The following FSCB variants were observed in gnomAD, a reference collection of about 807,000 sequenced individuals.
The protein encoded by FSCB is fibrous sheath CABYR-binding protein.
For synonymous variants in FSCB, 331 were observed against 336.6 expected, an observed-to-expected ratio of 0.98 and a Z score of 0.18; for missense variants, 975 against 934.8, an observed-to-expected ratio of 1.04 and a Z score of -0.56.
rs778382650 is a variant in FSCB, at chr14:44,506,390, G to C, written c.598C>G (p.Pro200Ala). Residue 200 changes from proline to alanine, a missense_variant, in exon 1 of 1, where the codon CCA (proline) becomes GCA (alanine). Pro to Ala is a conservative substitution (Grantham distance 27, BLOSUM62 -1). Transcript: ENST00000340446. ...IFASEHPEFQ[P>A]ATNSNEEIGQ... ...ATTTCTTCATTGCTGTTTGTTGCTG[G>C]TTGAAATTCAGGGTGTTCACTAGCA... 3 of 1,614,012 alleles carry C rather than the reference G, an allele frequency of 1.9e-6. No homozygotes were observed. The highest frequency in any genetic ancestry group is 2.2e-5 in the South Asian group (2 of 91,080).
In FSCB at chr14:44,505,660, G is replaced by A; in HGVS notation, c.1328C>T (p.Ser443Leu). 5.0e-6 allele frequency: 8 copies of A among 1,613,486 alleles called. No homozygotes were observed. The highest frequency in any genetic ancestry group is 6.8e-6 in the Non-Finnish European group (8 of 1,179,980). ...PREEARELQLSTAMETPAEEA... is the reference protein window; with the variant it reads ...PREEARELQLLTAMETPAEEA... Reference sequence around the variant, plus strand: ...TTCTGCAGGGGTCTCCATAGCTGTTGAAAGCTGAAGTTCTCGAGCCTCTTC... The same window carrying A: ...TTCTGCAGGGGTCTCCATAGCTGTTAAAAGCTGAAGTTCTCGAGCCTCTTC... The change falls in exon 1 of 1, where the codon TCA becomes TTA. Residue 443 changes from serine (S) to leucine (L), a missense_variant. Coordinates refer to ENST00000340446, the MANE Select transcript of FSCB (RefSeq NM_032135.4).
In FSCB at chr14:44,505,112, G is replaced by A. The variant is rs1174541765; in HGVS notation, c.1876C>T (p.Pro626Ser). The A allele has an allele frequency of 6.4e-7, 1 of 1,554,226 alleles. No individual in the cohort carries two copies. The highest frequency in any genetic ancestry group is 1.4e-5 in the African/African-American group (1 of 72,396). Reference sequence around the variant, plus strand: ...ACTTCAGCGGGGGCCTCCTCAGCTGGTGGAGGCTGAACTTCAGCGGGGGCC... The same window carrying A: ...ACTTCAGCGGGGGCCTCCTCAGCTGATGGAGGCTGAACTTCAGCGGGGGCC... ...EEAPAEVQPP[P>S]AEEAPAEVQP... Residue 626 changes from proline to serine, a missense_variant, in exon 1 of 1, where the codon CCA becomes TCA. Transcript: ENST00000340446.
Position 44,505,895 on chromosome 14 carries a change from C to A in FSCB, c.1093G>T (p.Ala365Ser), listed in dbSNP as rs774752286. ...AEESPSEEPP[A>S]EILPPPAEKS... is the part of the protein sequence containing the mutation. ...TCAGCTGGTGGAGGCAGAATTTCAG[C>A]AGGAGGCTCTTCTGAAGGGGACTCT... The change falls in exon 1 of 1, where the codon GCT (alanine) becomes TCT (serine). Residue 365 changes from alanine to serine, a missense_variant. Ala to Ser is a moderately conservative substitution (Grantham distance 99). Transcript: ENST00000340446. 3 of 1,614,074 alleles carry A rather than the reference C, an allele frequency of 1.9e-6. No homozygotes were observed. In the South Asian group the frequency reaches 3.3e-5, roughly 18 times the overall value.
At position 44,506,136 on chromosome 14, in the gene FSCB, T is replaced by C. The variant is rs764253835; in HGVS notation, c.852A>G (p.Arg284=). 1.9e-6 allele frequency: 3 copies of C among 1,614,050 alleles called. No individual in the cohort carries two copies. Among genetic ancestry groups the C allele is most frequent in the African/African-American group, 2.7e-5 (2 of 74,926 alleles). The part of the protein sequence containing the change: ...VEEATAKAEP[R]PAEETHVQVQ... Reference sequence around the variant, plus strand: ...CTTGGACATGGGTCTCTTCAGCAGGTCTGGGCTCCGCTTTAGCAGTGGCCT... The same window carrying C: ...CTTGGACATGGGTCTCTTCAGCAGGCCTGGGCTCCGCTTTAGCAGTGGCCT... Residue 284 remains arginine, a synonymous_variant, in exon 1 of 1, where the codon AGA becomes AGG. Transcript: ENST00000340446.
the FSCB span, chr14:44,505,713 CT>C: frequency 6.2e-7 from 1 of 1,613,578 alleles, no homozygotes; most frequent in South Asian, 1.1e-5. Context: ...GTAATAGAGG[CT>C]GAACATCAGC....
Position 44,505,436 on chromosome 14 carries a change from C to T in FSCB, c.1552G>A (p.Ala518Thr). 1 of 1,612,282 alleles carries T rather than the reference C, an allele frequency of 6.2e-7. No homozygotes were observed. Among genetic ancestry groups the T allele is most frequent in the Non-Finnish European group, 8.5e-7 (1 of 1,179,950 alleles). The change falls in exon 1 of 1, where the codon GCA becomes ACA. Residue 518 changes from alanine (A) to threonine (T), a missense_variant. Coordinates refer to ENST00000340446, the MANE Select transcript of FSCB (RefSeq NM_032135.4). ...VQSPLAEETT[A>T]EEASAEIQLL... ...TGAATTTCAGCAGAGGCCTCTTCTGCAGTGGTCTCTTCAGCTAATGGAGAT... is the reference window on the plus strand; with the variant it reads ...TGAATTTCAGCAGAGGCCTCTTCTGTAGTGGTCTCTTCAGCTAATGGAGAT...
In FSCB at chr14:44,506,165, C is replaced by T; in HGVS notation, c.823G>A (p.Glu275Lys). 6.2e-7 allele frequency: 1 copy of T among 1,614,132 alleles called. No individual in the cohort carries two copies. ...GGCTCCGCTTTAGCAGTGGCCTCTT[C>T]AACTAATGGAGGCTGTATTTTAGCT... ...FPAKIQPPLV[E>K]EATAKAEPRP... is the part of the protein sequence containing the mutation. The change falls in exon 1 of 1, where the codon GAA becomes AAA. Residue 275 changes from glutamate to lysine, a missense_variant. Physicochemically the swap from Glu to Lys is moderately conservative, Grantham distance 56. Coordinates refer to ENST00000340446, the MANE Select transcript of FSCB (RefSeq NM_032135.4).
the FSCB span, chr14:44,506,234 C>CT: frequency 2.7e-5 from 44 of 1,614,152 alleles, no homozygotes; most frequent in African/African-American, 4.0e-4. Context: ...GCAGAAGCCA[C>CT]TTTTTTAACA....
rs956302482 is a variant in FSCB, at chr14:44,505,105, T to G, written c.1883A>C (p.Glu628Ala). The stretch of plus-strand genomic sequence containing the variant: ...AGGCTGAACTTCAGCGGGGGCCTCC[T>G]CAGCTGGTGGAGGCTGAACTTCAGC... ...APAEVQPPPA[E>A]EAPAEVQPPP... The change falls in exon 1 of 1, where the codon GAG becomes GCG. Residue 628 changes from glutamate (E) to alanine (A), a missense_variant. By Grantham distance (107) the Glu-to-Ala change is moderately radical. Transcript: ENST00000340446. 2.9e-5 allele frequency: 41 copies of G among 1,421,080 alleles called. No homozygotes were observed. The highest frequency in any genetic ancestry group is 3.6e-5 in the Non-Finnish European group (39 of 1,077,590). The allele number at this position is 1,421,080 out of a possible 1,614,324, so 88.0% of individuals were successfully genotyped here.
the FSCB span, chr14:44,506,018 C>CCT: frequency 6.2e-7 from 1 of 1,614,118 alleles, no homozygotes; most frequent in Non-Finnish European, 8.5e-7. Flanking sequence ...ACTAAAGGGG[C>CCT]CTCTTCAGCA....
In FSCB at chr14:44,505,520, C is replaced by T. The variant is rs376664572; in HGVS notation, c.1468G>A (p.Glu490Lys). 16 of 1,612,152 alleles carry T rather than the reference C, an allele frequency of 9.9e-6. No homozygotes were observed. Among genetic ancestry groups the T allele is most frequent in the Admixed American group, 3.3e-5 (2 of 59,970 alleles). The change falls in exon 1 of 1, where the codon GAA becomes AAA. Residue 490 changes from glutamate to lysine, a missense_variant. Physicochemically the swap from Glu to Lys is moderately conservative, Grantham distance 56 (BLOSUM62 1). Transcript: ENST00000340446. ...TEPPADETPA[E>K]ARSPLSEETS... The stretch of plus-strand genomic sequence containing the variant: ...TCCTCAGATAGTGGAGACCGAGCTT[C>T]GGCAGGAGTTTCATCTGCAGGAGGC...
rs1035046891 is a variant in FSCB at position 44,504,220 on chromosome 14, T to C, written c.*290A>G. ...AGAAAAGATGGCTGCAGATTAAACT[T>C]TACTCGTGTCAACAAGTTTACTGTA... On this transcript the variant is annotated 3_prime_UTR_variant, in exon 1 of 1. Transcript: ENST00000340446. 3 of 232,588 alleles carry C rather than the reference T, an allele frequency of 1.3e-5. No homozygotes were observed. Among genetic ancestry groups the C allele is most frequent in the African/African-American group, 2.3e-5 (1 of 44,218 alleles). The allele number at this position is 232,588 out of a possible 1,614,324, so 14.4% of individuals were successfully genotyped here.
Position 44,505,178 on chromosome 14 carries a change from CTGCAGAAGCCTCTGT to C in FSCB, c.1795_1809del (p.Thr599_Ala603del), listed in dbSNP as rs1383991811. 1 of 1,612,176 alleles carries C rather than the reference CTGCAGAAGCCTCTGT, an allele frequency of 6.2e-7. No homozygotes were observed. The highest frequency in any genetic ancestry group is 2.2e-5 in the East Asian group (1 of 44,866). ...GGCTGAACTTCAGCAGGAGCCTCTT[CTGCAGAAGCCTCTGT>C]AGCTGCTAGAAGCTGAATTGCAGCA... On this transcript the variant is annotated inframe_deletion, in exon 1 of 1. Coordinates refer to ENST00000340446, the MANE Select transcript of FSCB (RefSeq NM_032135.4).
Position 44,506,213 on chromosome 14 carries a change from G to A in FSCB, c.775C>T (p.Pro259Ser). Reference protein sequence around the residue: ...VKKVASAEIEPPSTEKFPAKI... With the variant: ...VKKVASAEIESPSTEKFPAKI... ...GCTGGGAATTTTTCTGTTGATGGAGGCTCTATTTCAGCAGAAGCCACTTTT... is the reference window on the plus strand; with the variant it reads ...GCTGGGAATTTTTCTGTTGATGGAGACTCTATTTCAGCAGAAGCCACTTTT... The change falls in exon 1 of 1, where the codon CCT becomes TCT. Residue 259 changes from proline to serine, a missense_variant. Physicochemically the swap from Pro to Ser is moderately conservative, Grantham distance 74. Transcript: ENST00000340446. 1 of 1,614,160 alleles carries A rather than the reference G, an allele frequency of 6.2e-7. No homozygotes were observed. The highest frequency in any genetic ancestry group is 1.6e-4 in the Middle Eastern group (1 of 6,062).
the FSCB span, chr14:44,505,361 G>A: frequency 1.9e-6 from 3 of 1,612,964 alleles, no homozygotes; most frequent in Non-Finnish European, 2.5e-6. Flanking sequence ...AGTGGAGACT[G>A]AGCTTCAGCA....
At position 44,504,375 on chromosome 14, in the gene FSCB, C is replaced by T. The variant is rs1323124940; in HGVS notation, c.*135G>A. 5 of 546,982 alleles carry T rather than the reference C, an allele frequency of 9.1e-6. No homozygotes were observed. Among genetic ancestry groups the T allele is most frequent in the East Asian group, 3.0e-5 (1 of 32,896 alleles). The allele number at this position is 546,982 out of a possible 1,614,324, so 33.9% of individuals were successfully genotyped here. A position where few individuals can be genotyped will look rare whatever the true frequency, so the allele number is the denominator to read the frequency against. The stretch of plus-strand genomic sequence containing the variant: ...GCTACAGTTTTTATTGTTCATTTTC[C>T]AACCTGTATTCCAAGTCTTGGGGTC... On this transcript the variant is annotated 3_prime_UTR_variant, in exon 1 of 1. Coordinates refer to ENST00000340446, the MANE Select transcript of FSCB (RefSeq NM_032135.4).
rs772845500 is a variant in FSCB at position 44,506,099 on chromosome 14, T to C, written c.889A>G (p.Thr297Ala). The change falls in exon 1 of 1, where the codon ACT (threonine) becomes GCT (alanine). Residue 297 changes from threonine to alanine, a missense_variant. Coordinates refer to ENST00000340446, the MANE Select transcript of FSCB (RefSeq NM_032135.4). Reference protein sequence around the residue: ...EETHVQVQPSTEETPDAEAAT... With the variant: ...EETHVQVQPSAEETPDAEAAT... ...GCCTCAGCATCAGGAGTCTCTTCAG[T>C]TGATGGCTGTACTTGGACATGGGTC... 62 of 1,614,002 alleles carry C rather than the reference T, an allele frequency of 3.8e-5. No individual in the cohort carries two copies. The highest frequency in any genetic ancestry group is 1.6e-4 in the Middle Eastern group (1 of 6,082).
rs1329127321 is a variant in FSCB at position 44,505,762 on chromosome 14, G to A, written c.1226C>T (p.Pro409Leu). 2 of 1,613,858 alleles carry A rather than the reference G, an allele frequency of 1.2e-6. No homozygotes were observed. Among genetic ancestry groups the A allele is most frequent in the South Asian group, 2.2e-5 (2 of 91,056 alleles). Residue 409 changes from proline (P) to leucine (L), a missense_variant, in exon 1 of 1, where the codon CCA becomes CTA. By Grantham distance (98) the Pro-to-Leu change is moderately conservative. Transcript: ENST00000340446. ...LPAEGALEEAPAKVEPPTVEE... is the reference protein window; with the variant it reads ...LPAEGALEEALAKVEPPTVEE... ...AACAGTGGGAGGCTCTACTTTAGCT[G>A]GGGCCTCTTCAAGGGCGCCCTCAGC...
At position 44,506,147 on chromosome 14, in the gene FSCB, C is replaced by T; in HGVS notation, c.841G>A (p.Ala281Thr). 1 of 1,614,168 alleles carries T rather than the reference C, an allele frequency of 6.2e-7. No homozygotes were observed. ...PPLVEEATAK[A>T]EPRPAEETHV... ...GTCTCTTCAGCAGGTCTGGGCTCCG[C>T]TTTAGCAGTGGCCTCTTCAACTAAT... The change falls in exon 1 of 1, where the codon GCG (alanine) becomes ACG (threonine). Residue 281 changes from alanine to threonine, a missense_variant. Coordinates refer to ENST00000340446, the MANE Select transcript of FSCB (RefSeq NM_032135.4).
Sources: gnomAD v4.1 joint callset for allele counts on GRCh38, gnomAD v4.1.1 for gene constraint, MANE v1.5 for transcripts, NCBI Gene and HGNC (gene_info 2026-07-23, HGNC 2026-07-21) for gene names.